The following MARCHF4 variants were observed in gnomAD, a reference collection of about 807,000 sequenced individuals.
The protein encoded by MARCHF4 is E3 ubiquitin-protein ligase MARCHF4.
In MARCHF4, 14 loss-of-function variants were observed where a neutral mutation model predicts 43.9. The observed-to-expected ratio is 0.32, with a 90% confidence interval of 0.21 to 0.50. The LOEUF (loss-of-function observed/expected upper bound fraction) is 0.50. Among genes scored for constraint, MARCHF4 ranks in the 20% least tolerant of loss-of-function variants. MARCHF4 has a pLI of 0.98. For missense variants in MARCHF4, 468 were observed against 536.7 expected (o/e 0.87, Z 1.27); for synonymous variants, 226 against 213.3 (o/e 1.06, Z -0.52).
intron 1 of MARCHF4, among the ~76,000 whole-genome samples, chr2:216,367,171 TAACACC>T (rs1246647472): frequency 1.2e-4 from 19 of 152,164 alleles, no homozygotes; most frequent in African/African-American, 4.3e-4. Flanking sequence ...TGGGCAGAGA[TAACACC>T]AAGACATTCA....
intron 3 of MARCHF4, 130 bp from the exon 4 acceptor site, chr2:216,259,809 T>A: frequency 1.1e-6 from 1 of 884,810 alleles, no homozygotes; most frequent in South Asian, 1.8e-5. Flanking sequence ...GGGAGGACCA[T>A]CCCTAGATTC....
At chr2:216,342,092 G>C (rs180780563) in intron 1 of MARCHF4, among the ~76,000 whole-genome samples, 99 of 152,324 alleles carry the variant, frequency 6.5e-4, no homozygotes, top group Non-Finnish European at 1.0e-4. Flanking sequence ...GATCTGAAGT[G>C]TGTATGTGTG....
intron 3 of MARCHF4, among the ~76,000 whole-genome samples, chr2:216,263,206 C>T (rs1690771091): frequency 6.6e-6 from 1 of 152,214 alleles, no homozygotes; most frequent in African/African-American, 2.4e-5. Flanking sequence ...GCAGGTGGAT[C>T]ACCTGAGGTC....
intron 1 of MARCHF4, among the ~76,000 whole-genome samples, chr2:216,330,530 T>A (rs986572060): frequency 6.6e-6 from 1 of 152,176 alleles, no homozygotes; most frequent in African/African-American, 2.4e-5. Context: ...TACAGATGCA[T>A]ACAAAACACT....
intron 1 of MARCHF4, among the ~76,000 whole-genome samples, chr2:216,304,022 T>G (rs894734486): frequency 7.9e-5 from 12 of 152,046 alleles, no homozygotes; most frequent in African/African-American, 2.9e-4. Flanking sequence ...ACAGGGAACT[T>G]GGAAAGAGAA....
At chr2:216,353,833 C>T (rs767284992) in intron 1 of MARCHF4, among the ~76,000 whole-genome samples, 1 of 152,160 alleles carries the variant, frequency 6.6e-6, no homozygotes, top group Non-Finnish European at 1.5e-5. Flanking sequence ...CAGGCATGAG[C>T]GACCATGCCT....
chr2:216,337,083 C>T (rs552519267), intron 1 of MARCHF4, among the ~76,000 whole-genome samples: 1 of 149,596 alleles, frequency 6.7e-6, no homozygotes, highest in Non-Finnish European at 1.5e-5. Flanking sequence ...ACCTGGGAGA[C>T]GGAGGTTGCA....
At chr2:216,286,123 G>A (rs1691214971) in intron 1 of MARCHF4, among the ~76,000 whole-genome samples, 2 of 152,224 alleles carry the variant, frequency 1.3e-5, no homozygotes, top group Admixed American at 1.3e-4. Context: ...CCCAGTGCCT[G>A]GCTAAGGGAC....
intron 1 of MARCHF4, among the ~76,000 whole-genome samples, chr2:216,315,711 G>A (rs1018253662): frequency 6.6e-6 from 1 of 152,178 alleles, no homozygotes; most frequent in African/African-American, 2.4e-5. Context: ...TCCGTAAAAT[G>A]TTAACAATGG....
intron 2 of MARCHF4, among the ~76,000 whole-genome samples, chr2:216,283,058 G>A (rs1179271361): frequency 1.3e-5 from 2 of 152,138 alleles, no homozygotes; most frequent in Admixed American, 1.3e-4. Context: ...GCACATTGAT[G>A]TATGAGAAGG....
At chr2:216,272,582 C>G (rs749666121) in intron 3 of MARCHF4, among the ~76,000 whole-genome samples, 3 of 152,212 alleles carry the variant, frequency 2.0e-5, no homozygotes, top group Non-Finnish European at 4.4e-5. Flanking sequence ...CTCTGCTCCA[C>G]CATTTTCTTA....
intron 1 of MARCHF4, among the ~76,000 whole-genome samples, chr2:216,313,960 G>C (rs2105958123): frequency 6.6e-6 from 1 of 152,242 alleles, no homozygotes; most frequent in African/African-American, 2.4e-5. Flanking sequence ...GAGACAGTGG[G>C]GCTGGAGAAC....
At chr2:216,271,957 A>ATTTTTTTTTT (rs57629851) in intron 3 of MARCHF4, among the ~76,000 whole-genome samples, 51 of 100,574 alleles carry the variant, frequency 5.1e-4, no homozygotes, top group African/African-American at 2.0e-3. Context: ...CACCTGGCTA[A>ATTTTTTTTTT]TTTTTTTTTT....
chr2:216,302,071 A>AATGATTTTGTGAG (rs1691500125), intron 1 of MARCHF4, among the ~76,000 whole-genome samples: 1 of 152,198 alleles, frequency 6.6e-6, no homozygotes, highest in South Asian at 2.1e-4. Context: ...GCTTTCAGGA[A>AATGATTTTGTGAG]ACTATTTTGT....
At chr2:216,290,748 T>C (rs544179704) in intron 1 of MARCHF4, among the ~76,000 whole-genome samples, 1 of 152,218 alleles carries the variant, frequency 6.6e-6, no homozygotes, top group East Asian at 1.9e-4. Flanking sequence ...ATGTTAAGAT[T>C]TGCTGATGGA....
At chr2:216,262,283 G>C (rs965166194) in intron 3 of MARCHF4, among the ~76,000 whole-genome samples, 1 of 152,164 alleles carries the variant, frequency 6.6e-6, no homozygotes, top group Non-Finnish European at 1.5e-5. Flanking sequence ...AGTGAATCTA[G>C]TTACTGGTTG....
At chr2:216,292,874 G>A (rs922818809) in intron 1 of MARCHF4, among the ~76,000 whole-genome samples, 6 of 152,160 alleles carry the variant, frequency 3.9e-5, no homozygotes, top group Admixed American at 3.9e-4. Flanking sequence ...CCTGTGGGAG[G>A]TCAATGTATC....
chr2:216,302,716 A>G (rs151130179), intron 1 of MARCHF4, among the ~76,000 whole-genome samples: 9,769 of 151,116 alleles, frequency 0.065, 1,045 homozygotes, highest in African/African-American at 0.23. Flanking sequence ...TGGCCAACAC[A>G]ATGAAACCCC....
chr2:216,303,186 A>T (rs1691522209), intron 1 of MARCHF4: 1 of 152,242 alleles, frequency 6.6e-6, no homozygotes, highest in Non-Finnish European at 1.5e-5. Flanking sequence ...AAAAGCACTC[A>T]GAAGTCCTTG....
Sources: gnomAD v4.1 joint callset for allele counts (sites outside exome capture counted in the v4.1 genomes callset) on GRCh38, gnomAD v4.1.1 for gene constraint, MANE v1.5 for transcripts, NCBI Gene and HGNC (gene_info 2026-07-23, HGNC 2026-07-21) for gene names.